The following PCSK6 variants were observed in gnomAD, a reference collection of about 807,000 sequenced individuals.
PCSK6 encodes paired basic amino acid cleaving enzyme 4.
In PCSK6, 85 loss-of-function variants were observed where a neutral mutation model predicts 123.3. That is an observed-to-expected ratio of 0.69 (90% CI 0.58 to 0.83). PCSK6 has a LOEUF of 0.83. PCSK6 is among the 40% of genes least tolerant of loss of function. The probability of loss-of-function intolerance (pLI) is 0.00; values close to 1 mark genes in which losing one functional copy is unlikely to be tolerated. For missense variants in PCSK6, 1,191 were observed against 1,282.3 expected (o/e 0.93, Z 1.09); for synonymous variants, 508 against 516.0 (o/e 0.98, Z 0.21).
chr15:101,446,026 T>G (rs1332390807), intron 1 of PCSK6, among the ~76,000 whole-genome samples: 3 of 152,378 alleles, frequency 2.0e-5, no homozygotes, highest in Non-Finnish European at 4.4e-5. Context: ...TCAACTGTTC[T>G]CCACGAACGA....
rs1291564385 is a variant in PCSK6, at chr15:101,382,096, G to C, written c.1528C>G (p.Pro510Ala). The change falls in exon 11 of 22, where the codon CCC becomes GCC. Residue 510 changes from proline (P) to alanine (A), a missense_variant. Pro to Ala is a conservative substitution (Grantham distance 27). Coordinates refer to ENST00000611716, the MANE Select transcript of PCSK6 (RefSeq NM_002570.5). Reference sequence around the variant, plus strand: ...GATGCCACAGCAGAGCCTTACCTGGGTCTCTTGTCCGAGGCGGCCACACAC... The same window carrying C: ...GATGCCACAGCAGAGCCTTACCTGGCTCTCTTGTCCGAGGCGGCCACACAC... ...HMCVAASDKR[P>A]RSIPLVQVLR... is the part of the protein sequence containing the mutation. 2 of 1,601,606 alleles carry C rather than the reference G, an allele frequency of 1.2e-6. No homozygotes were observed. The highest frequency in any genetic ancestry group is 4.5e-5 in the East Asian group (2 of 44,546).
intron 1 of PCSK6, among the ~76,000 whole-genome samples, chr15:101,468,893 T>C (rs1044261920): frequency 6.6e-6 from 1 of 152,172 alleles, no homozygotes; most frequent in African/African-American, 2.4e-5. Context: ...CAGCTGGATA[T>C]AGAATTCTAT....
chr15:101,451,601 T>C (rs1425874130), intron 1 of PCSK6, among the ~76,000 whole-genome samples: 1 of 152,210 alleles, frequency 6.6e-6, no homozygotes, highest in East Asian at 1.9e-4. Context: ...TGCCCTTGGC[T>C]GGAAACAGAT....
chr15:101,346,860 G>C, intron 13 of PCSK6: 1 of 1,231,678 alleles, frequency 8.1e-7, no homozygotes, highest in Non-Finnish European at 1.0e-6. Flanking sequence ...TCATAAATGT[G>C]CACAGCAGCA....
At chr15:101,467,550 G>A (rs1490959310) in intron 1 of PCSK6, among the ~76,000 whole-genome samples, 25 of 152,170 alleles carry the variant, frequency 1.6e-4, no homozygotes, top group Admixed American at 1.6e-3. Context: ...TGGAATTACA[G>A]GCATGAGCCA....
intron 2 of PCSK6, among the ~76,000 whole-genome samples, chr15:101,434,300 C>T (rs1012027474): frequency 6.6e-6 from 1 of 152,192 alleles, no homozygotes; most frequent in African/African-American, 2.4e-5. Context: ...TGCTAAGGGG[C>T]CCTGAACTCT....
chr15:101,313,051 A>G, intron 20 of PCSK6: 1 of 1,244,704 alleles, frequency 8.0e-7, no homozygotes, highest in Non-Finnish European at 1.0e-6. Context: ...CTGATTATCG[A>G]CAGTGCAAAG....
chr15:101,332,138 G>A (rs2040384754), intron 13 of PCSK6, 107 bp from the exon 14 acceptor site: 5 of 997,952 alleles, frequency 5.0e-6, no homozygotes, highest in South Asian at 1.7e-5. Context: ...CTGGGCTCTG[G>A]CCTGCTACCT....
At chr15:101,463,850 T>C (rs2057394435) in intron 1 of PCSK6, among the ~76,000 whole-genome samples, 1 of 152,056 alleles carries the variant, frequency 6.6e-6, no homozygotes, top group South Asian at 2.1e-4. Context: ...CCTATGTCCT[T>C]AGAGAGCATA....
At chr15:101,376,121 C>T (rs2041733956) in intron 11 of PCSK6, among the ~76,000 whole-genome samples, 1 of 152,244 alleles carries the variant, frequency 6.6e-6, no homozygotes, top group African/African-American at 2.4e-5. Flanking sequence ...GAGACAGGGT[C>T]TCACTCTGTC....
At chr15:101,386,160 G>T (rs1005197431) in intron 9 of PCSK6, among the ~76,000 whole-genome samples, 1 of 152,072 alleles carries the variant, frequency 6.6e-6, no homozygotes. Flanking sequence ...CGCACGCCGC[G>T]CCACAGGTGC....
chr15:101,358,498 C>G (rs1267455051), intron 13 of PCSK6, among the ~76,000 whole-genome samples: 1 of 152,244 alleles, frequency 6.6e-6, no homozygotes, highest in Non-Finnish European at 1.5e-5. Context: ...CCGAAATGTT[C>G]CCAACTAGCC....
At chr15:101,379,064 C>A (rs961543636) in intron 11 of PCSK6, among the ~76,000 whole-genome samples, 2 of 152,238 alleles carry the variant, frequency 1.3e-5, no homozygotes, top group African/African-American at 4.8e-5. Flanking sequence ...CAGGGGGACA[C>A]CATGGGTGAC....
In PCSK6 at chr15:101,305,427, G is replaced by T; in HGVS notation, c.2813-72C>A. The T allele has an allele frequency of 7.7e-7, 1 of 1,306,952 alleles. No individual in the cohort carries two copies. Among genetic ancestry groups the T allele is most frequent in the Non-Finnish European group, 1.1e-6 (1 of 931,138 alleles). 81.0% of individuals were successfully genotyped at this position (1,306,952 alleles called of 1,614,324 possible). A position where few individuals can be genotyped will look rare whatever the true frequency, so the allele number is the denominator to read the frequency against. ...CGGTGCCTGTGAAGATTGTTTCAAG[G>T]CCGGGCGCGGTGCCTCATGCCTGTA... On this transcript the variant is annotated intron_variant, in intron 21 of 21. Transcript: ENST00000611716. The surrounding 1 kb of genome is among the most constrained non-coding windows in gnomAD (Gnocchi z 4.8).
chr15:101,441,970 T>C (rs2056766074), intron 2 of PCSK6, among the ~76,000 whole-genome samples: 1 of 152,320 alleles, frequency 6.6e-6, no homozygotes, highest in South Asian at 2.1e-4. Flanking sequence ...TCACGCCTCC[T>C]CCGGGATCAG....
chr15:101,435,051 T>C (rs2056557736), intron 2 of PCSK6, among the ~76,000 whole-genome samples: 2 of 152,136 alleles, frequency 1.3e-5, no homozygotes, highest in Admixed American at 6.5e-5. Context: ...AGCATGAACA[T>C]ACCTGGTTCC....
chr15:101,355,851 G>A (rs938941286), intron 13 of PCSK6, among the ~76,000 whole-genome samples: 2 of 152,144 alleles, frequency 1.3e-5, no homozygotes, highest in East Asian at 3.9e-4. Flanking sequence ...CTGCCTTGTC[G>A]TTCAGGTGCA....
chr15:101,473,572 A>G (rs558763290), intron 1 of PCSK6, among the ~76,000 whole-genome samples: 1 of 152,390 alleles, frequency 6.6e-6, no homozygotes, highest in South Asian at 2.1e-4. Context: ...ACAGAACTCC[A>G]TGGGGAAGAG....
In PCSK6 at chr15:101,318,327, G is replaced by T. The variant is rs770626802; in HGVS notation, c.2561C>A (p.Thr854Asn). Residue 854 changes from threonine (T) to asparagine (N), a missense_variant, in exon 19 of 22, where the codon ACC becomes AAC. By Grantham distance (65) the Thr-to-Asn change is moderately conservative. Around this residue, in one of 3 missense-constraint regions of PCSK6, gnomAD observed 630 missense variants for 631.4 expected, o/e 1.00. Transcript: ENST00000611716. ...RCGECHHTCG[T>N]CVGPGREECI... ...GCAGGCGGTGAACTCACCCACGCAG[G>T]TTCCGCAGGTGTGATGGCATTCCCC... 20 of 1,556,644 alleles carry T rather than the reference G, an allele frequency of 1.3e-5. No homozygotes were observed. Among genetic ancestry groups the T allele is most frequent in the Non-Finnish European group, 1.7e-5 (20 of 1,149,792 alleles).
Sources: allele counts gnomAD v4.1 joint callset (sites outside exome capture counted in the v4.1 genomes callset), GRCh38; gene constraint gnomAD v4.1.1; regional missense constraint gnomAD v4.1.1; non-coding constraint Gnocchi (gnomAD v3.1); transcripts MANE v1.5; gene names NCBI Gene and HGNC (gene_info 2026-07-23, HGNC 2026-07-21).